The following NPHP4 variants were observed in gnomAD, a reference collection of about 807,000 sequenced individuals.
NPHP4 encodes nephrocystin-4.
A neutral mutation model predicts 155.8 loss-of-function variants in NPHP4; 151 were observed. That is an observed-to-expected ratio of 0.97 (90% CI 0.85 to 1.11). The LOEUF (loss-of-function observed/expected upper bound fraction) is 1.11. NPHP4 is among the 50% of genes least tolerant of loss of function. The pLI, the probability that NPHP4 is intolerant of heterozygous loss-of-function variation, is 0.00. For synonymous variants in NPHP4, 845 were observed against 816.8 expected, an observed-to-expected ratio of 1.03 and a Z score of -0.59; for missense variants, 1,956 against 1,925.7, an observed-to-expected ratio of 1.02 and a Z score of -0.29.
intron 20 of NPHP4, 145 bp from the exon 21 acceptor site, chr1:5,875,245 T>C: frequency 1.4e-6 from 1 of 712,574 alleles, no homozygotes; most frequent in Non-Finnish European, 2.4e-6. Context: ...CTTGACCATG[T>C]GGTCTGGGTG....
intron 11 of NPHP4, among the ~76,000 whole-genome samples, chr1:5,925,514 G>A (rs544848329): frequency 5.4e-4 from 82 of 152,282 alleles, no homozygotes; most frequent in Non-Finnish European, 8.8e-4. Context: ...TTTCTCAAAG[G>A]TTGATAGGTA....
intron 3 of NPHP4, among the ~76,000 whole-genome samples, chr1:5,973,224 G>A (rs747152724): frequency 6.6e-5 from 10 of 152,206 alleles, no homozygotes; most frequent in Admixed American, 4.6e-4. Context: ...CTAGGATCAA[G>A]GAGTTTAAAG....
chr1:5,943,714 T>G (rs1308057735), intron 9 of NPHP4, among the ~76,000 whole-genome samples: 1 of 152,174 alleles, frequency 6.6e-6, no homozygotes, highest in Non-Finnish European at 1.5e-5. Flanking sequence ...GGTTTGTCCG[T>G]TTCTTATTAA....
At chr1:5,879,674 C>T (rs1338233306) in intron 19 of NPHP4, 5 of 506,932 alleles carry the variant, frequency 9.9e-6, no homozygotes, top group South Asian at 2.9e-5. Flanking sequence ...CTCGGTGGGG[C>T]CTGTGGGTCC....
chr1:5,963,737 C>T (rs1172708298), intron 5 of NPHP4, among the ~76,000 whole-genome samples: 1 of 147,882 alleles, frequency 6.8e-6, no homozygotes, highest in Non-Finnish European at 1.5e-5. Flanking sequence ...ACCCAGGCTG[C>T]AGTGCAGTGG....
intron 16 of NPHP4, among the ~76,000 whole-genome samples, chr1:5,900,758 T>C (rs550567356): frequency 7.2e-5 from 11 of 152,294 alleles, no homozygotes; most frequent in African/African-American, 2.6e-4. Context: ...ATTTGTTACA[T>C]GGTGGCTCAC....
At chr1:5,914,026 C>T (rs766835397) in intron 11 of NPHP4, among the ~76,000 whole-genome samples, 36 of 152,042 alleles carry the variant, frequency 2.4e-4, no homozygotes, top group Non-Finnish European at 3.5e-4. Flanking sequence ...ATCACGCACG[C>T]GGGCCAGGAC....
At chr1:5,967,217 T>A in intron 5 of NPHP4, 82 bp downstream of exon 5, 1 of 1,057,258 alleles carries the variant, frequency 9.5e-7, no homozygotes, top group Non-Finnish European at 1.4e-6. Flanking sequence ...CTGAGAAAGA[T>A]CCCATTCAGA....
chr1:5,986,173 G>T lies in NPHP4; in HGVS notation c.117C>A (p.Asp39Glu). 1 of 1,613,790 alleles carries T rather than the reference G, an allele frequency of 6.2e-7. No homozygotes were observed. The highest frequency in any genetic ancestry group is 2.2e-5 in the East Asian group (1 of 44,882). ...TAFQCVLKWL[D>E]GPVIRQGVLE... is the part of the protein sequence containing the mutation. ...TTGTTACCTGCCTAATTACCGGTCC[G>T]TCCAGCCACTTGAGGACACACTGGA... The change falls in exon 2 of 30, where the codon GAC becomes GAA. Residue 39 changes from aspartate to glutamate, a missense_variant. Coordinates refer to ENST00000378156, the MANE Select transcript of NPHP4 (RefSeq NM_015102.5).
rs760997128 is a variant in NPHP4 at position 5,877,210 on chromosome 1, C to A, written c.2700G>T (p.Gly900=). The A allele has an allele frequency of 6.2e-7, 1 of 1,606,636 alleles. No individual in the cohort carries two copies. The highest frequency in any genetic ancestry group is 8.5e-7 in the Non-Finnish European group (1 of 1,176,082). ...CCGACTCGCGGCTGACGTCCTGGGGCCCCTTGCCCTGCCGGGCATGGGTCA... is the reference window on the plus strand; with the variant it reads ...CCGACTCGCGGCTGACGTCCTGGGGACCCTTGCCCTGCCGGGCATGGGTCA... ...MLLTHARQGK[G]PQDVSRESDA... is the part of the protein sequence containing the mutation. Residue 900 remains glycine (G), a synonymous_variant, in exon 20 of 30, where the codon GGG becomes GGT. Transcript: ENST00000378156.
In NPHP4 at chr1:5,978,308, G is replaced by T; in HGVS notation, c.241C>A (p.Pro81Thr). 6.2e-7 allele frequency: 1 copy of T among 1,609,112 alleles called. No individual in the cohort carries two copies. The change falls in exon 3 of 30, where the codon CCG becomes ACG. Residue 81 changes from proline (P) to threonine (T), a missense_variant. By Grantham distance (38) the Pro-to-Thr change is conservative. Coordinates refer to ENST00000378156, the MANE Select transcript of NPHP4 (RefSeq NM_015102.5). ...FGRTWKTTVK[P>T]TKRPPSRIVF... The stretch of plus-strand genomic sequence containing the variant: ...ATCCTGGACGGCGGTCTCTTCGTCG[G>T]CTTCACTGTGGTTTTCCACGTCCTC...
At chr1:5,978,436 C>A in intron 2 of NPHP4, 23 bp from the exon 3 acceptor site, 1 of 1,591,226 alleles carries the variant, frequency 6.3e-7, no homozygotes, top group Middle Eastern at 1.7e-4. Context: ...GGGGAATTGA[C>A]CCTCAAGAGT....
intron 6 of NPHP4, among the ~76,000 whole-genome samples, chr1:5,955,998 C>T (rs1649126866): frequency 6.7e-6 from 1 of 148,204 alleles, no homozygotes; most frequent in Non-Finnish European, 1.5e-5. Context: ...CACACTGTTC[C>T]CCATAAATAT....
rs573209441 is a variant in NPHP4, at chr1:5,885,208, C to T, written c.2485+2078G>A. ...CTGTCCAAGCTCCCAGCTGAACCCC[C>T]GTCCTACTCGACAACCAAGATCACT... On this transcript the variant is annotated intron_variant, in intron 18 of 29. Transcript: ENST00000378156. Among the ~76,000 whole-genome samples the T allele has an allele frequency of 3.4e-5, 5 of 148,494 alleles. No homozygotes were observed. In the South Asian group the frequency reaches 6.6e-4, roughly 20 times the overall value.
intron 16 of NPHP4, among the ~76,000 whole-genome samples, chr1:5,902,349 C>G (rs1644721792): frequency 6.6e-6 from 1 of 152,252 alleles, no homozygotes; most frequent in Non-Finnish European, 1.5e-5. Context: ...CAAAGGCCAT[C>G]CACATCAGGG....
intron 6 of NPHP4, among the ~76,000 whole-genome samples, chr1:5,954,056 C>T (rs760909917): frequency 6.6e-6 from 1 of 152,210 alleles, no homozygotes; most frequent in Non-Finnish European, 1.5e-5. Context: ...GAGTCAGTAT[C>T]GCCTTTGCCT....
At chr1:5,941,289 C>CAAAAAAAAAAAAAAA (rs66676950) in intron 9 of NPHP4, among the ~76,000 whole-genome samples, 3 of 44,778 alleles carry the variant, frequency 6.7e-5, no homozygotes, top group African/African-American at 9.8e-5. Flanking sequence ...GAGATCTAGA[C>CAAAAAAAAAAAAAAA]AAAAAAAAAA....
intron 11 of NPHP4, among the ~76,000 whole-genome samples, chr1:5,915,879 C>T (rs1410377132): frequency 6.6e-6 from 1 of 152,160 alleles, no homozygotes; most frequent in Non-Finnish European, 1.5e-5. Flanking sequence ...AGACTCTCCC[C>T]CACCACCATG....
Position 5,939,685 on chromosome 1 carries a change from C to A in NPHP4, c.1120-6356G>T, listed in dbSNP as rs1397244085. On this transcript the variant is annotated intron_variant, in intron 9 of 29. Transcript: ENST00000378156. ...TTCCACAAGGCCTGGCTCCAGGAAG[C>A]AACCCCCACCTCAGCCACACAGTAG... Among the ~76,000 whole-genome samples, 5 of 152,356 alleles carry A rather than the reference C, an allele frequency of 3.3e-5. No individual in the cohort carries two copies. The East Asian group carries it at 9.6e-4, about 29-fold the overall frequency.
Sources: gnomAD v4.1 joint callset for allele counts (sites outside exome capture counted in the v4.1 genomes callset) on GRCh38, gnomAD v4.1.1 for gene constraint, MANE v1.5 for transcripts, NCBI Gene and HGNC (gene_info 2026-07-23, HGNC 2026-07-21) for gene names.